The following DLG2 variants were observed in gnomAD, a reference collection of about 807,000 sequenced individuals.
The protein encoded by DLG2 is disks large homolog 2.
A neutral mutation model predicts 132.5 loss-of-function variants in DLG2; 45 were observed. The ratio of observed to expected loss-of-function variants is 0.34; its 90% CI spans 0.27 to 0.44. The LOEUF is 0.44. Among genes scored for constraint, DLG2 ranks in the 20% least tolerant of loss-of-function variants. The pLI is 1.00. For synonymous variants in DLG2, 424 were observed against 419.6 expected (o/e 1.01, Z -0.13); for missense variants, 1,045 against 1,196.9 (o/e 0.87, Z 1.87).
intron 4 of DLG2, among the ~76,000 whole-genome samples, chr11:85,155,835 G>A (rs2152461541): frequency 6.6e-6 from 1 of 151,322 alleles, no homozygotes; most frequent in African/African-American, 2.4e-5. Context: ...CTCCAGCCTG[G>A]GTGACTGAGC....
At position 83,463,550 on chromosome 11, in the gene DLG2, AG is replaced by A. The variant is rs147481472; in HGVS notation, c.2730-1458del. On this transcript the variant is annotated intron_variant, in intron 26 of 27. Coordinates refer to ENST00000376104, the MANE Select transcript of DLG2 (RefSeq NM_001142699.3). ...ACGTCTGTAATCCCAACACCTTGGG[AG>A]GCTGAGGCAGGTGGATCACTTGTGC... is the stretch of plus-strand genomic sequence containing the variant. Among the ~76,000 whole-genome samples the A allele has an allele frequency of 2.9e-3, 437 of 152,356 alleles. 1 individual carries two copies. Among genetic ancestry groups the A allele is most frequent in the Middle Eastern group, 6.8e-3 (2 of 294 alleles).
At chr11:84,133,505 C>G (rs968619465) in intron 9 of DLG2, among the ~76,000 whole-genome samples, 2 of 151,968 alleles carry the variant, frequency 1.3e-5, no homozygotes, top group Non-Finnish European at 2.9e-5. Flanking sequence ...TTCCAAACCA[C>G]ATACAAAAAA....
chr11:84,269,275 C>T (rs530378712), intron 7 of DLG2, among the ~76,000 whole-genome samples: 4 of 152,278 alleles, frequency 2.6e-5, no homozygotes, highest in East Asian at 1.9e-4. Flanking sequence ...CCAGGCATAT[C>T]GTAATTTCTG....
chr11:84,570,796 G>T (rs1303427607), intron 6 of DLG2, among the ~76,000 whole-genome samples: 1 of 152,044 alleles, frequency 6.6e-6, no homozygotes, highest in Non-Finnish European at 1.5e-5. Flanking sequence ...TGCCTACTTG[G>T]CTACATAGAT....
intron 7 of DLG2, among the ~76,000 whole-genome samples, chr11:84,329,643 G>T (rs1369298094): frequency 6.6e-6 from 1 of 152,134 alleles, no homozygotes; most frequent in Non-Finnish European, 1.5e-5. Flanking sequence ...GTCCTTTATA[G>T]CAATATGAGA....
Position 83,832,338 on chromosome 11 carries a change from T to C in DLG2, c.1722+1276A>G, listed in dbSNP as rs145214614. 2.2e-3 allele frequency among the ~76,000 whole-genome samples: 334 copies of C among 152,274 alleles called. 2 individuals are homozygous for C. The highest frequency in any genetic ancestry group is 7.9e-3 in the African/African-American group (329 of 41,558). Reference sequence around the variant, plus strand: ...GTTATGGCATAGATTGTGGTGATGGTTTCATGTGTGCATACATATCTCCAA... The same window carrying C: ...GTTATGGCATAGATTGTGGTGATGGCTTCATGTGTGCATACATATCTCCAA... On this transcript the variant is annotated intron_variant, in intron 17 of 27. Coordinates refer to ENST00000376104, the MANE Select transcript of DLG2 (RefSeq NM_001142699.3).
chr11:84,553,687 G>C (rs1054771402), intron 6 of DLG2, among the ~76,000 whole-genome samples: 1 of 152,170 alleles, frequency 6.6e-6, no homozygotes, highest in African/African-American at 2.4e-5. Context: ...GATTTAAGAT[G>C]CTTAAAGGCA....
chr11:84,970,263 A>G (rs1428733872), intron 6 of DLG2, among the ~76,000 whole-genome samples: 1 of 152,144 alleles, frequency 6.6e-6, no homozygotes, highest in African/African-American at 2.4e-5. Flanking sequence ...TCACCAGTTT[A>G]TCTTTCAGAA....
intron 3 of DLG2, among the ~76,000 whole-genome samples, chr11:85,471,217 T>C (rs1380270998): frequency 2.0e-5 from 3 of 152,222 alleles, no homozygotes. Flanking sequence ...GAAGAACGAA[T>C]GCAGTTATTG....
chr11:85,440,940 G>A (rs982838468), intron 3 of DLG2, among the ~76,000 whole-genome samples: 2 of 152,134 alleles, frequency 1.3e-5, no homozygotes, highest in East Asian at 1.9e-4. Flanking sequence ...GAAGCATGGT[G>A]GTACCTTGTC....
intron 5 of DLG2, among the ~76,000 whole-genome samples, chr11:85,154,221 C>G (rs1328727488): frequency 6.8e-6 from 1 of 146,356 alleles, no homozygotes; most frequent in Non-Finnish European, 1.5e-5. Flanking sequence ...TATTTTATTA[C>G]TGTCTCAAAT....
chr11:85,241,420 A>G (rs1384788271), intron 4 of DLG2, among the ~76,000 whole-genome samples: 2 of 151,906 alleles, frequency 1.3e-5, no homozygotes, highest in African/African-American at 4.8e-5. Context: ...GGCTTCCCAT[A>G]TATTGCCAAA....
At chr11:84,274,212 C>T (rs754010407) in intron 7 of DLG2, among the ~76,000 whole-genome samples, 2 of 152,152 alleles carry the variant, frequency 1.3e-5, no homozygotes, top group South Asian at 2.1e-4. Flanking sequence ...GGTGAGGCTC[C>T]ACCAGTCCCT....
intron 5 of DLG2, among the ~76,000 whole-genome samples, chr11:85,141,449 C>T (rs190396577): frequency 1.3e-5 from 2 of 151,702 alleles, no homozygotes; most frequent in African/African-American, 4.8e-5. Flanking sequence ...TTTGAGCTCC[C>T]TATATATTAG....
chr11:83,505,182 G>A lies in DLG2; in HGVS notation c.2194-20954C>T, dbSNP rs1297142165. Among the ~76,000 whole-genome samples, 6 of 152,286 alleles carry A rather than the reference G, an allele frequency of 3.9e-5. No individual in the cohort carries two copies. In the South Asian group the frequency reaches 6.2e-4, roughly 16 times the overall value. On this transcript the variant is annotated intron_variant, in intron 21 of 27. Coordinates refer to ENST00000376104, the MANE Select transcript of DLG2 (RefSeq NM_001142699.3). ...GTGAGGACAAACCTCTGCTCTTTCC[G>A]TGATGGAAGAGGTGCAATATATATA...
At chr11:84,289,736 A>G (rs1165911632) in intron 7 of DLG2, among the ~76,000 whole-genome samples, 3 of 152,190 alleles carry the variant, frequency 2.0e-5, no homozygotes. Context: ...TTCGTAAACA[A>G]GGCAGAAGTG....
At chr11:84,792,118 G>A (rs2073937115) in intron 6 of DLG2, among the ~76,000 whole-genome samples, 1 of 152,042 alleles carries the variant, frequency 6.6e-6, no homozygotes, top group African/African-American at 2.4e-5. Context: ...TCTATACCCA[G>A]TTTTTTGAGG....
intron 6 of DLG2, among the ~76,000 whole-genome samples, chr11:84,629,351 T>C (rs566412601): frequency 5.3e-5 from 8 of 152,244 alleles, no homozygotes; most frequent in Non-Finnish European, 7.3e-5. Flanking sequence ...CTTTTTTTGT[T>C]GTTTTTATTC....
At chr11:84,815,886 A>G (rs1232667966) in intron 6 of DLG2, among the ~76,000 whole-genome samples, 1 of 152,040 alleles carries the variant, frequency 6.6e-6, no homozygotes, top group Non-Finnish European at 1.5e-5. Flanking sequence ...TCTTGAGCCT[A>G]AAGTGCATCC....
Sources: gnomAD v4.1 joint callset for allele counts (sites outside exome capture counted in the v4.1 genomes callset) on GRCh38, gnomAD v4.1.1 for gene constraint, MANE v1.5 for transcripts, NCBI Gene and HGNC (gene_info 2026-07-23, HGNC 2026-07-21) for gene names.